Variants in NELL2 observed in about 807,000 individuals in gnomAD.
NELL2 encodes the protein protein kinase C-binding protein NELL2.
NELL2 carries 41 observed loss-of-function variants against 109.6 expected under a neutral mutation model. That is an observed-to-expected ratio of 0.37 (90% CI 0.29 to 0.49). The LOEUF (loss-of-function observed/expected upper bound fraction) is 0.49. NELL2 is among the 20% of genes least tolerant of loss of function. The pLI is 0.98. For missense variants in NELL2, 900 were observed against 1,008.3 expected (o/e 0.89, Z 1.45); for synonymous variants, 355 against 344.7 (o/e 1.03, Z -0.33).
At chr12:44,709,115 GC>G (rs1341171335) in intron 11 of NELL2, among the ~76,000 whole-genome samples, 1 of 151,994 alleles carries the variant, frequency 6.6e-6, no homozygotes, top group Non-Finnish European at 1.5e-5. Context: ...TTTCTGTATA[GC>G]CCTTGGACAC....
At chr12:44,786,622 A>G (rs568588585) in intron 3 of NELL2, among the ~76,000 whole-genome samples, 134 of 152,338 alleles carry the variant, frequency 8.8e-4, no homozygotes, top group African/African-American at 3.0e-3. Flanking sequence ...ACTTGGAACC[A>G]ACCCAAATGC....
intron 15 of NELL2, among the ~76,000 whole-genome samples, chr12:44,541,142 T>TTG (rs1942542261): frequency 6.7e-6 from 1 of 148,446 alleles, no homozygotes; most frequent in Non-Finnish European, 1.5e-5. Flanking sequence ...TCCCAGCTAC[T>TTG]CGGGAGGCTG....
intron 9 of NELL2, among the ~76,000 whole-genome samples, chr12:44,722,530 A>G (rs140215134): frequency 3.9e-5 from 6 of 152,308 alleles, no homozygotes; most frequent in Non-Finnish European, 5.9e-5. Flanking sequence ...TTCAAGGAGC[A>G]TTCAGCCTAA....
rs373223141 is a variant in NELL2 at position 44,779,678 on chromosome 12, C to G, written c.591G>C (p.Ala197=). 6.2e-7 allele frequency: 1 copy of G among 1,613,052 alleles called. No homozygotes were observed. The highest frequency in any genetic ancestry group is 1.3e-5 in the African/African-American group (1 of 75,002). ...CAAAAGATACCTTAAAATATCCATG[C>G]GCATTATTTCTCTGTCCTAGCCAAA... ...TTFWLGQRNN[A]HGYFKGIMQD... The change falls in exon 5 of 20, where the codon GCG becomes GCC. Residue 197 remains alanine (A), a synonymous_variant. Transcript: ENST00000429094.
intron 2 of NELL2, among the ~76,000 whole-genome samples, chr12:44,856,371 T>A (rs1021878299): frequency 6.6e-6 from 1 of 152,162 alleles, no homozygotes; most frequent in East Asian, 1.9e-4. Context: ...ACAATTCAAA[T>A]GATAAGTAAA....
chr12:44,738,448 A>G (rs186662353), intron 9 of NELL2, among the ~76,000 whole-genome samples: 1 of 152,150 alleles, frequency 6.6e-6, no homozygotes, highest in African/African-American at 2.4e-5. Flanking sequence ...AAATGTGATT[A>G]CATACACACA....
intron 10 of NELL2, among the ~76,000 whole-genome samples, chr12:44,711,861 C>A (rs930054127): frequency 6.6e-6 from 1 of 152,010 alleles, no homozygotes; most frequent in African/African-American, 2.4e-5. Context: ...TATTGGATGT[C>A]TTCCACAAAA....
At chr12:44,644,580 G>GTATATATATATATATATATATGTA (rs1946989337) in intron 13 of NELL2, among the ~76,000 whole-genome samples, 9 of 84,390 alleles carry the variant, frequency 1.1e-4, no homozygotes, top group Non-Finnish European at 1.8e-4. Context: ...ACAAAGTAAA[G>GTATATATATATATATATATATGTA]TATATATATA....
At chr12:44,629,411 A>T (rs571738041) in intron 13 of NELL2, among the ~76,000 whole-genome samples, 19 of 152,358 alleles carry the variant, frequency 1.2e-4, no homozygotes, top group African/African-American at 3.4e-4. Context: ...AGACTCAGGT[A>T]AAGAAACATT....
intron 9 of NELL2, among the ~76,000 whole-genome samples, chr12:44,760,678 A>G (rs1031011783): frequency 6.6e-6 from 1 of 152,186 alleles, no homozygotes; most frequent in East Asian, 1.9e-4. Context: ...TGGTACTAGA[A>G]TTATTGGTTA....
intron 2 of NELL2, among the ~76,000 whole-genome samples, chr12:44,847,220 A>G (rs1462577850): frequency 1.3e-5 from 2 of 152,212 alleles, no homozygotes; most frequent in East Asian, 3.9e-4. Flanking sequence ...TGAAGTAAGG[A>G]AGCAAACAGG....
At chr12:44,871,773 C>T (rs558549114) in intron 2 of NELL2, among the ~76,000 whole-genome samples, 29 of 152,298 alleles carry the variant, frequency 1.9e-4, no homozygotes, top group Non-Finnish European at 3.4e-4. Flanking sequence ...AGGAGACGTA[C>T]GACCTTTTTT....
chr12:44,694,649 G>A (rs1445080671), intron 12 of NELL2, among the ~76,000 whole-genome samples: 1 of 150,652 alleles, frequency 6.6e-6, no homozygotes, highest in African/African-American at 2.4e-5. Context: ...ATATACCACA[G>A]AGAGTGCATC....
intron 13 of NELL2, among the ~76,000 whole-genome samples, chr12:44,639,678 C>T (rs987967517): frequency 1.3e-5 from 2 of 152,116 alleles, no homozygotes; most frequent in African/African-American, 2.4e-5. Context: ...ATCTATTGTC[C>T]GTAAGAGCCT....
At chr12:44,918,394 T>C (rs1162916840), upstream of NELL2, among the ~76,000 whole-genome samples, 1 of 152,188 alleles carries the variant, frequency 6.6e-6, no homozygotes, top group Non-Finnish European at 1.5e-5. Context: ...AAAATATATT[T>C]TGAAGAGTTT....
intron 2 of NELL2, among the ~76,000 whole-genome samples, chr12:44,872,165 T>C (rs2136837098): frequency 6.6e-6 from 1 of 152,268 alleles, no homozygotes; most frequent in African/African-American, 2.4e-5. Flanking sequence ...CTTTCATAGG[T>C]CTTTTTATTG....
chr12:44,526,665 A>G (rs1463332269), intron 16 of NELL2, among the ~76,000 whole-genome samples: 1 of 152,254 alleles, frequency 6.6e-6, no homozygotes, highest in Non-Finnish European at 1.5e-5. Context: ...AGAGAGATCA[A>G]GAACGATGTA....
intron 18 of NELL2, among the ~76,000 whole-genome samples, chr12:44,521,529 C>CAAA (rs56713964): frequency 2.7e-5 from 3 of 111,426 alleles, no homozygotes; most frequent in African/African-American, 1.2e-4. Flanking sequence ...GACTCCGTCT[C>CAAA]AAAAAAAAAA....
chr12:44,696,602 A>G (rs1949069440), intron 12 of NELL2, among the ~76,000 whole-genome samples: 1 of 152,228 alleles, frequency 6.6e-6, no homozygotes, highest in African/African-American at 2.4e-5. Flanking sequence ...TTAAAGCCCA[A>G]TAGAAATCAA....
Sources: gnomAD v4.1 joint callset for allele counts (sites outside exome capture counted in the v4.1 genomes callset) on GRCh38, gnomAD v4.1.1 for gene constraint, MANE v1.5 for transcripts, NCBI Gene and HGNC (gene_info 2026-07-23, HGNC 2026-07-21) for gene names.